Variants in HMCN1 observed in about 807,000 individuals in gnomAD.
HMCN1 encodes hemicentin 1, also known as hemicentin-1.
HMCN1 carries 321 observed loss-of-function variants against 625.9 expected under a neutral mutation model. That is an observed-to-expected ratio of 0.51 (90% CI 0.47 to 0.56). The LOEUF (loss-of-function observed/expected upper bound fraction) is 0.56. Among genes scored for constraint, HMCN1 ranks in the 20% least tolerant of loss-of-function variants. The probability of loss-of-function intolerance (pLI) is 0.00; values close to 1 mark genes in which losing one functional copy is unlikely to be tolerated. For missense variants in HMCN1, 6,588 were observed against 6,887.3 expected (o/e 0.96, Z 1.54); for synonymous variants, 2,425 against 2,417.6 (o/e 1.00, Z -0.09).
Position 186,136,829 on chromosome 1 carries a change from A to G in HMCN1, c.13474A>G (p.Asn4492Asp). The change falls in exon 87 of 107, where the codon AAC (asparagine) becomes GAC (aspartate). Residue 4492 changes from asparagine (N) to aspartate (D), a missense_variant. This residue lies in a region of HMCN1 where 1,954 missense variants were observed against 2,013.1 expected (regional missense o/e 0.97). Transcript: ENST00000271588. Reference sequence around the variant, plus strand: ...TGACCGGGTTAACGTGTTGTCCAACAACTCATTATATATTGCTGATGCTCA... The same window carrying G: ...TGACCGGGTTAACGTGTTGTCCAACGACTCATTATATATTGCTGATGCTCA... ...WDDRVNVLSNNSLYIADAQKE... is the reference protein window; with the variant it reads ...WDDRVNVLSNDSLYIADAQKE... 1 of 1,614,102 alleles carries G rather than the reference A, an allele frequency of 6.2e-7. No homozygotes were observed. The highest frequency in any genetic ancestry group is 8.5e-7 in the Non-Finnish European group (1 of 1,179,970).
intron 93 of HMCN1, 142 bp downstream of exon 93, chr1:186,146,065 G>T: frequency 1.2e-6 from 1 of 833,972 alleles, no homozygotes; most frequent in Non-Finnish European, 2.0e-6. Context: ...CTCCTAATTG[G>T]TACAGTTCTG....
At chr1:185,779,601 A>G (rs980692322) in intron 1 of HMCN1, among the ~76,000 whole-genome samples, 4 of 152,120 alleles carry the variant, frequency 2.6e-5, no homozygotes, top group East Asian at 1.9e-4. Flanking sequence ...TATTAAATAG[A>G]GAATCCTTTT....
At chr1:185,810,684 G>GTGTA (rs1379771435) in intron 1 of HMCN1, among the ~76,000 whole-genome samples, 8 of 150,932 alleles carry the variant, frequency 5.3e-5, no homozygotes, top group African/African-American at 7.4e-5. Context: ...GTGTGTGTGT[G>GTGTA]TGTGTATCTC....
At chr1:185,770,440 AAAAAGATCCAGATTCTATTG>A (rs1553236473) in intron 1 of HMCN1, among the ~76,000 whole-genome samples, 1 of 152,236 alleles carries the variant, frequency 6.6e-6, no homozygotes, top group Non-Finnish European at 1.5e-5. Context: ...ACACATAAAG[AAAAAGATCCAGATTCTATTG>A]AAAAATACAA....
intron 1 of HMCN1, among the ~76,000 whole-genome samples, chr1:185,834,349 C>A (rs1009828293): frequency 5.9e-5 from 9 of 152,174 alleles, no homozygotes; most frequent in African/African-American, 1.2e-4. Context: ...ACTGATTGGA[C>A]CTTGTGGTCC....
At chr1:185,893,337 T>C (rs897869340) in intron 4 of HMCN1, among the ~76,000 whole-genome samples, 3 of 152,084 alleles carry the variant, frequency 2.0e-5, no homozygotes, top group Non-Finnish European at 4.4e-5. Context: ...GCTCCTCCAC[T>C]TGGGGAGACT....
intron 1 of HMCN1, among the ~76,000 whole-genome samples, chr1:185,830,322 C>T (rs1045830794): frequency 4.6e-5 from 7 of 152,014 alleles, no homozygotes; most frequent in Admixed American, 1.3e-4. Flanking sequence ...AGGCTTTGCC[C>T]GTGCCGTATG....
Position 185,846,114 on chromosome 1 carries a change from G to A in HMCN1, c.339+18G>A. ...ATGTTCAGGTGAGTGCTTGCTTTCA[G>A]TGTTCTCTTGGGGGAATGGAAAATC... On this transcript the variant is annotated intron_variant, in intron 2 of 106. Transcript: ENST00000271588. The A allele has an allele frequency of 1.3e-6, 2 of 1,554,798 alleles. No individual in the cohort carries two copies. The highest frequency in any genetic ancestry group is 1.8e-6 in the Non-Finnish European group (2 of 1,126,408).
chr1:185,799,929 G>A (rs574222901), intron 1 of HMCN1, among the ~76,000 whole-genome samples: 109 of 152,310 alleles, frequency 7.2e-4, no homozygotes, highest in African/African-American at 2.5e-3. Context: ...GGTATCAGGA[G>A]CAAAACTGGA....
intron 15 of HMCN1, 23 bp downstream of exon 15, chr1:185,970,516 C>T (rs1571638444): frequency 2.5e-6 from 4 of 1,592,448 alleles, no homozygotes; most frequent in Non-Finnish European, 3.4e-6. Flanking sequence ...ATCTTATAGG[C>T]CAATTTGTTT....
chr1:185,976,664 ACTAT>A (rs1032619627), intron 15 of HMCN1, among the ~76,000 whole-genome samples: 3 of 152,144 alleles, frequency 2.0e-5, no homozygotes, highest in Admixed American at 2.0e-4. Flanking sequence ...TAGCAAATTA[ACTAT>A]CTGTGTTTCA....
At chr1:186,145,254 C>CTTTGGAAGTTGCCTATTTATA in intron 91 of HMCN1, 149 bp from the exon 92 acceptor site, 1 of 692,592 alleles carries the variant, frequency 1.4e-6, no homozygotes, top group South Asian at 2.2e-5. Flanking sequence ...AACTATCTTC[C>CTTTGGAAGTTGCCTATTTATA]TTTGGAAGTT....
intron 11 of HMCN1, among the ~76,000 whole-genome samples, chr1:185,960,465 C>T (rs1649936739): frequency 6.6e-6 from 1 of 152,130 alleles, no homozygotes; most frequent in African/African-American, 2.4e-5. Flanking sequence ...GTAAATTTCT[C>T]ACCTCCTGTG....
At chr1:186,156,610 AATGTTCAT>A (rs1428183565) in intron 97 of HMCN1, among the ~76,000 whole-genome samples, 1 of 152,164 alleles carries the variant, frequency 6.6e-6, no homozygotes, top group Non-Finnish European at 1.5e-5. Flanking sequence ...TAGCCTTTCA[AATGTTCAT>A]ATCTTTTCAG....
intron 4 of HMCN1, among the ~76,000 whole-genome samples, chr1:185,891,472 T>C (rs1571512331): frequency 1.3e-5 from 2 of 148,362 alleles, no homozygotes; most frequent in East Asian, 1.9e-4. Flanking sequence ...TCATGTTTAG[T>C]GCTTCCTTCA....
At position 186,065,247 on chromosome 1, in the gene HMCN1, T is replaced by C; in HGVS notation, c.7523T>C (p.Val2508Ala). ...AAATGGATTTTTACAGGGAATCCAG[T>C]GCCAGAAATTACATGGCACAAAGAT... The part of the protein sequence containing the change: ...TLTCEVTGNP[V>A]PEITWHKDGQ... Residue 2508 changes from valine to alanine, a missense_variant, in exon 49 of 107, where the codon GTG becomes GCG. Coordinates refer to ENST00000271588, the MANE Select transcript of HMCN1 (RefSeq NM_031935.3). The C allele has an allele frequency of 6.2e-7, 1 of 1,611,874 alleles. No individual in the cohort carries two copies.
At chr1:186,023,767 C>T (rs1195646530) in intron 36 of HMCN1, among the ~76,000 whole-genome samples, 2 of 152,132 alleles carry the variant, frequency 1.3e-5, no homozygotes, top group Admixed American at 6.6e-5. Context: ...TTCATGTACA[C>T]GTTATTCATT....
At chr1:186,013,417 C>G (rs1408530483) in intron 30 of HMCN1, among the ~76,000 whole-genome samples, 2 of 152,146 alleles carry the variant, frequency 1.3e-5, no homozygotes, top group East Asian at 3.9e-4. Context: ...TCGTCGAATT[C>G]ACCTCAAAGT....
At chr1:185,794,176 A>C (rs1021966339) in intron 1 of HMCN1, among the ~76,000 whole-genome samples, 1 of 152,108 alleles carries the variant, frequency 6.6e-6, no homozygotes, top group African/African-American at 2.4e-5. Context: ...AAAAGGAAAA[A>C]AAAACTTTTA....
Sources: allele counts gnomAD v4.1 joint callset (sites outside exome capture counted in the v4.1 genomes callset), GRCh38; gene constraint gnomAD v4.1.1; regional missense constraint gnomAD v4.1.1; transcripts MANE v1.5; gene names NCBI Gene and HGNC (gene_info 2026-07-23, HGNC 2026-07-21).